Variants in FOXP1 observed in about 807,000 individuals in gnomAD.
FOXP1 encodes forkhead box protein P1.
A neutral mutation model predicts 98.2 loss-of-function variants in FOXP1; 15 were observed. That is an observed-to-expected ratio of 0.15 (90% confidence interval 0.10 to 0.24). The LOEUF (loss-of-function observed/expected upper bound fraction) is 0.24, where lower values mean the gene tolerates loss of function less well. Among genes scored for constraint, FOXP1 ranks in the 10% least tolerant of loss-of-function variants. FOXP1 has a pLI of 1.00. For synonymous variants in FOXP1, 371 were observed against 314.5 expected (o/e 1.18, Z -1.90); for missense variants, 633 against 848.5 (o/e 0.75, Z 3.15).
intron 7 of FOXP1, among the ~76,000 whole-genome samples, chr3:71,073,172 T>C (rs1310554977): frequency 6.6e-6 from 1 of 152,218 alleles, no homozygotes; most frequent in Admixed American, 6.5e-5. Flanking sequence ...ATTTTTGAGA[T>C]GGGTCAGAAC....
intron 13 of FOXP1, among the ~76,000 whole-genome samples, chr3:70,994,363 T>C (rs1242158475): frequency 6.6e-6 from 1 of 152,116 alleles, no homozygotes; most frequent in Non-Finnish European, 1.5e-5. Context: ...ACTGGGACAG[T>C]TGGTCACCCT....
At chr3:71,076,340 C>T (rs1559879206) in intron 7 of FOXP1, among the ~76,000 whole-genome samples, 2 of 152,172 alleles carry the variant, frequency 1.3e-5, no homozygotes, top group Non-Finnish European at 2.9e-5. Flanking sequence ...ATCATTTGAT[C>T]ATTTGATCAT....
chr3:71,167,267 A>G (rs2061437232), intron 6 of FOXP1, among the ~76,000 whole-genome samples: 1 of 152,192 alleles, frequency 6.6e-6, no homozygotes, highest in Non-Finnish European at 1.5e-5. Context: ...CTTTCAGATT[A>G]TAAAAGTTCC....
intron 2 of FOXP1, among the ~76,000 whole-genome samples, chr3:71,525,097 T>C (rs2043274635): frequency 6.6e-6 from 1 of 152,178 alleles, no homozygotes; most frequent in Admixed American, 6.5e-5. Flanking sequence ...TGATGCAGGG[T>C]CCAAATTGAA....
intron 2 of FOXP1, among the ~76,000 whole-genome samples, chr3:71,520,604 G>A (rs555823152): frequency 1.3e-5 from 2 of 152,306 alleles, no homozygotes; most frequent in East Asian, 3.9e-4. Context: ...AAATGTCAGC[G>A]TGAGACTGCC....
rs115770965 is a variant in FOXP1, at chr3:71,136,592, T to C, written c.181-23955A>G. On this transcript the variant is annotated intron_variant, in intron 6 of 20. Coordinates refer to ENST00000649528, the MANE Select transcript of FOXP1 (RefSeq NM_001349338.3). ...AGCTGCCACATAAAAATATGTACCA[T>C]TAAGATACTGCATTTTCATATTCCT... is the stretch of plus-strand genomic sequence containing the variant. Among the ~76,000 whole-genome samples the C allele has an allele frequency of 2.0e-3, 298 of 152,330 alleles. 3 individuals carry two copies. The highest frequency in any genetic ancestry group is 7.0e-3 in the African/African-American group (289 of 41,570).
intron 3 of FOXP1, among the ~76,000 whole-genome samples, chr3:71,479,270 G>C (rs1487842884): frequency 6.6e-6 from 1 of 152,184 alleles, no homozygotes; most frequent in Non-Finnish European, 1.5e-5. Flanking sequence ...AGTTTCAAGA[G>C]ACAATTTATA....
At chr3:71,200,104 A>AAAAAAAAG (rs1553777309) in intron 5 of FOXP1, among the ~76,000 whole-genome samples, 6 of 151,264 alleles carry the variant, frequency 4.0e-5, no homozygotes, top group Admixed American at 2.0e-4. Flanking sequence ...AAAAAAAAAA[A>AAAAAAAAG]AGAGAGAAAA....
At chr3:71,070,907 G>A (rs1206062500) in intron 7 of FOXP1, among the ~76,000 whole-genome samples, 1 of 152,162 alleles carries the variant, frequency 6.6e-6, no homozygotes, top group African/African-American at 2.4e-5. Context: ...CCGAGTAAAT[G>A]GTCTTATAAA....
At chr3:71,520,538 G>C (rs1331930358) in intron 2 of FOXP1, among the ~76,000 whole-genome samples, 1 of 152,140 alleles carries the variant, frequency 6.6e-6, no homozygotes. Flanking sequence ...GATATAAGGG[G>C]GCCTTTCCCC....
intron 2 of FOXP1, among the ~76,000 whole-genome samples, chr3:71,536,344 G>A (rs1482391550): frequency 1.3e-5 from 2 of 151,922 alleles, no homozygotes; most frequent in African/African-American, 4.8e-5. Flanking sequence ...CTTACCCTAC[G>A]CATCCCCTAC....
At chr3:71,453,998 C>G (rs1471050715) in intron 3 of FOXP1, among the ~76,000 whole-genome samples, 5 of 152,154 alleles carry the variant, frequency 3.3e-5, no homozygotes, top group African/African-American at 1.2e-4. Context: ...GTATTTCCAC[C>G]AAACCACCTC....
At chr3:71,198,075 G>A in intron 6 of FOXP1, 127 bp downstream of exon 6, 1 of 1,614,138 alleles carries the variant, frequency 6.2e-7, no homozygotes, top group Non-Finnish European at 8.5e-7. Context: ...GCCACTGACA[G>A]ACAGAAAGAC....
chr3:71,115,096 G>A (rs183054759), intron 6 of FOXP1, among the ~76,000 whole-genome samples: 1 of 152,128 alleles, frequency 6.6e-6, no homozygotes, highest in East Asian at 1.9e-4. Flanking sequence ...GTAATAGACT[G>A]ATCAGCAAAG....
intron 3 of FOXP1, among the ~76,000 whole-genome samples, chr3:71,434,258 G>A (rs1303203694): frequency 6.6e-6 from 1 of 152,092 alleles, no homozygotes; most frequent in Non-Finnish European, 1.5e-5. Context: ...ATGACGTTAG[G>A]CACTGGATCC....
intron 5 of FOXP1, among the ~76,000 whole-genome samples, chr3:71,280,268 T>C (rs766730824): frequency 1.1e-4 from 16 of 152,052 alleles, no homozygotes; most frequent in Non-Finnish European, 2.1e-4. Flanking sequence ...TAAAACATTA[T>C]CATCATTTTA....
At chr3:71,231,183 A>G (rs1405946715) in intron 5 of FOXP1, among the ~76,000 whole-genome samples, 2 of 152,368 alleles carry the variant, frequency 1.3e-5, no homozygotes, top group East Asian at 3.9e-4. Flanking sequence ...ACTTAAATGA[A>G]CCATGAATCA....
chr3:71,318,283 T>C (rs1020185809), intron 4 of FOXP1, among the ~76,000 whole-genome samples: 37 of 152,260 alleles, frequency 2.4e-4, no homozygotes, highest in African/African-American at 8.9e-4. Flanking sequence ...TAAAGATTTC[T>C]TGGAGAGGAC....
intron 7 of FOXP1, among the ~76,000 whole-genome samples, chr3:71,077,327 C>T (rs1017964894): frequency 2.6e-5 from 4 of 152,176 alleles, no homozygotes; most frequent in East Asian, 1.9e-4. Context: ...AAGGCAGCCT[C>T]GCTGTACTGA....
Sources: gnomAD v4.1 joint callset for allele counts (sites outside exome capture counted in the v4.1 genomes callset) on GRCh38, gnomAD v4.1.1 for gene constraint, MANE v1.5 for transcripts, NCBI Gene and HGNC (gene_info 2026-07-23, HGNC 2026-07-21) for gene names.